The following ZC3H3 variants were observed in gnomAD, a reference collection of about 807,000 sequenced individuals.
The protein encoded by ZC3H3 is zinc finger CCCH domain-containing protein 3.
A neutral mutation model predicts 77.3 loss-of-function variants in ZC3H3; 36 were observed. The ratio of observed to expected loss-of-function variants is 0.47; its 90% CI spans 0.36 to 0.61. The LOEUF is 0.61. Among genes scored for constraint, ZC3H3 ranks in the 20% least tolerant of loss-of-function variants. ZC3H3 has a pLI of 0.00. For synonymous variants in ZC3H3, 626 were observed against 555.2 expected (o/e 1.13, Z -1.79); for missense variants, 1,331 against 1,312.2 (o/e 1.01, Z -0.22).
At position 143,494,655 on chromosome 8, in the gene ZC3H3, G is replaced by A. The variant is rs1055883543; in HGVS notation, c.1715+13091C>T. Among the ~76,000 whole-genome samples, 1 of 152,120 alleles carries A rather than the reference G, an allele frequency of 6.6e-6. No homozygotes were observed. The highest frequency in any genetic ancestry group is 1.5e-5 in the Non-Finnish European group (1 of 68,012). ...AGGGGGGTGCTGTGGGCAGACACACGAGGGGATGGGAGCACAGGAACACAG... is the reference window on the plus strand; with the variant it reads ...AGGGGGGTGCTGTGGGCAGACACACAAGGGGATGGGAGCACAGGAACACAG... On this transcript the variant is annotated intron_variant, in intron 4 of 11. Transcript: ENST00000262577. The surrounding 1 kb of genome is among the most constrained non-coding windows in gnomAD (Gnocchi z 5.3).
intron 5 of ZC3H3, among the ~76,000 whole-genome samples, chr8:143,469,721 C>T (rs567413685): frequency 1.3e-5 from 2 of 152,266 alleles, no homozygotes; most frequent in African/African-American, 2.4e-5. Context: ...GGGTCTGCTC[C>T]GGTGACACAG....
chr8:143,508,747 G>A (rs1202632632), intron 3 of ZC3H3, among the ~76,000 whole-genome samples: 58 of 147,320 alleles, frequency 3.9e-4, no homozygotes, highest in Non-Finnish European at 7.7e-4. Flanking sequence ...CTTCAGGGTC[G>A]CCCACAGGAG....
intron 4 of ZC3H3, among the ~76,000 whole-genome samples, chr8:143,497,939 G>A (rs1198627173): frequency 6.6e-6 from 1 of 152,202 alleles, no homozygotes; most frequent in Non-Finnish European, 1.5e-5. Flanking sequence ...TCTCTGCCTG[G>A]CAGGCACCAC....
intron 1 of ZC3H3, among the ~76,000 whole-genome samples, chr8:143,539,778 T>C (rs1433847968): frequency 1.3e-5 from 2 of 152,056 alleles, no homozygotes; most frequent in South Asian, 4.2e-4. Flanking sequence ...GAACTGACAC[T>C]CTCGAGGACC....
chr8:143,457,139 A>G (rs1820142815), intron 9 of ZC3H3, among the ~76,000 whole-genome samples: 1 of 152,224 alleles, frequency 6.6e-6, no homozygotes. Context: ...TGGGATATAC[A>G]TTCTTTTTCA....
intron 4 of ZC3H3, among the ~76,000 whole-genome samples, chr8:143,480,453 G>A (rs73715616): frequency 0.026 from 3,990 of 152,332 alleles, 169 homozygotes; most frequent in African/African-American, 0.091. Context: ...CATGTGGGCC[G>A]TGCAGGCTGA....
At chr8:143,501,401 A>C (rs1430946064) in intron 4 of ZC3H3, among the ~76,000 whole-genome samples, 1 of 151,938 alleles carries the variant, frequency 6.6e-6, no homozygotes, top group Non-Finnish European at 1.5e-5. Flanking sequence ...ATGGGGTCTC[A>C]CCATGTTGCC....
intron 3 of ZC3H3, among the ~76,000 whole-genome samples, chr8:143,511,838 C>A (rs905711215): frequency 6.6e-6 from 1 of 152,248 alleles, no homozygotes; most frequent in Non-Finnish European, 1.5e-5. Context: ...TGCTGGGCTG[C>A]CAGCCCGAGA....
chr8:143,503,326 A>G (rs1032080140), intron 4 of ZC3H3, among the ~76,000 whole-genome samples: 19 of 151,990 alleles, frequency 1.3e-4, no homozygotes, highest in Non-Finnish European at 2.9e-5. Flanking sequence ...CAGTCTCCAC[A>G]CATGATGTCT....
Position 143,475,574 on chromosome 8 carries a change from A to G in ZC3H3, c.1727T>C (p.Leu576Pro), listed in dbSNP as rs1246438197. 6.3e-7 allele frequency: 1 copy of G among 1,598,882 alleles called. No homozygotes were observed. ...RRLSLSRSLV[L>P]NRLRPVASGG... ...GCTGGCAACTGGACGCAGGCGGTTC[A>G]GCACCAGGGACCTGCAGAGACAGGA... is the stretch of plus-strand genomic sequence containing the variant. The change falls in exon 5 of 12, where the codon CTG becomes CCG. Residue 576 changes from leucine to proline, a missense_variant. This residue lies in a region of ZC3H3 where 978 missense variants were observed against 915.5 expected (regional missense o/e 1.07). Transcript: ENST00000262577.
Position 143,441,040 on chromosome 8 carries a change from G to A in ZC3H3, c.2388C>T (p.Leu796=). Residue 796 remains leucine, a synonymous_variant, in exon 10 of 12, where the codon CTC becomes CTT. Transcript: ENST00000262577. The stretch of plus-strand genomic sequence containing the variant: ...GACTGTGGCGTTTCTGGGTACGGTG[G>A]AGCAGCTGGCACTGGGCGCCGCGGG... ...ACPRGAQCQL[L]HRTQKRHSRR... 4.7e-6 allele frequency: 7 copies of A among 1,488,996 alleles called. No homozygotes were observed. Among genetic ancestry groups the A allele is most frequent in the East Asian group, 2.7e-5 (1 of 36,962 alleles). 92.2% of individuals were successfully genotyped at this position (1,488,996 alleles called of 1,614,324 possible). A position where few individuals can be genotyped will look rare whatever the true frequency, so the allele number is the denominator to read the frequency against.
chr8:143,440,030 G>C lies in ZC3H3; in HGVS notation c.2815+11C>G. ...GGGCCCTGGGGGCCCGAGCCAGGCCGTGCTGCCTACCTGAGTCCTTGGTGA... is the reference window on the plus strand; with the variant it reads ...GGGCCCTGGGGGCCCGAGCCAGGCCCTGCTGCCTACCTGAGTCCTTGGTGA... On this transcript the variant is annotated intron_variant, in intron 11 of 11. Transcript: ENST00000262577. The C allele has an allele frequency of 1.3e-6, 2 of 1,501,004 alleles. No homozygotes were observed. Among genetic ancestry groups the C allele is most frequent in the South Asian group, 2.5e-5 (2 of 79,468 alleles). 93.0% of individuals were successfully genotyped at this position (1,501,004 alleles called of 1,614,324 possible).
At chr8:143,484,449 C>T (rs1820995184) in intron 4 of ZC3H3, 1 of 154,650 alleles carries the variant, frequency 6.5e-6, no homozygotes, top group African/African-American at 2.4e-5. Context: ...GGATGCATTA[C>T]AAGCTTTCCC....
intron 3 of ZC3H3, chr8:143,523,527 G>A: frequency 2.0e-6 from 2 of 985,418 alleles, no homozygotes; most frequent in Non-Finnish European, 2.4e-6. Flanking sequence ...CAGGACAACT[G>A]CCACCATCCC....
chr8:143,479,806 G>A (rs1016004510), intron 4 of ZC3H3, among the ~76,000 whole-genome samples: 18 of 152,336 alleles, frequency 1.2e-4, no homozygotes, highest in African/African-American at 3.6e-4. Context: ...CCTGGGGGGG[G>A]ACAAAGGCCA....
At chr8:143,505,848 G>A (rs1821675301) in intron 4 of ZC3H3, among the ~76,000 whole-genome samples, 1 of 152,204 alleles carries the variant, frequency 6.6e-6, no homozygotes, top group Non-Finnish European at 1.5e-5. Flanking sequence ...CATCAAAGGC[G>A]ATGCCTGCTC....
At chr8:143,512,461 G>A (rs570440148) in intron 3 of ZC3H3, among the ~76,000 whole-genome samples, 4 of 152,366 alleles carry the variant, frequency 2.6e-5, no homozygotes, top group East Asian at 1.9e-4. Flanking sequence ...TTTCTGAGGC[G>A]GTGCCAACTC....
chr8:143,516,862 G>A (rs570692921), intron 3 of ZC3H3, among the ~76,000 whole-genome samples: 9 of 152,358 alleles, frequency 5.9e-5, no homozygotes, highest in African/African-American at 2.2e-4. Flanking sequence ...CACAACGGCA[G>A]CCCGACAGGG....
At chr8:143,523,672 A>T (rs1366334035) in intron 3 of ZC3H3, among the ~76,000 whole-genome samples, 1 of 152,176 alleles carries the variant, frequency 6.6e-6, no homozygotes, top group African/African-American at 2.4e-5. Flanking sequence ...GGAAGTGGCC[A>T]CCGCCAGGCT....
Sources: gnomAD v4.1 joint callset for allele counts (sites outside exome capture counted in the v4.1 genomes callset) on GRCh38, gnomAD v4.1.1 for gene constraint, gnomAD v4.1.1 regional missense constraint, Gnocchi (gnomAD v3.1) non-coding constraint, MANE v1.5 for transcripts, NCBI Gene and HGNC (gene_info 2026-07-23, HGNC 2026-07-21) for gene names.